Variants in TNFSF11 observed in about 807,000 individuals in gnomAD.
TNFSF11 encodes TNF superfamily member 11.
TNFSF11 carries 12 observed loss-of-function variants against 32.2 expected under a neutral mutation model. That is an observed-to-expected ratio of 0.37 (90% CI 0.24 to 0.60). The LOEUF is 0.60. Ranked by LOEUF, TNFSF11 falls within the 20% of genes least tolerant of loss-of-function variation. The pLI is 0.66. For synonymous variants in TNFSF11, 172 were observed against 152.1 expected (o/e 1.13, Z -0.96); for missense variants, 345 against 398.0 (o/e 0.87, Z 1.13).
chr13:42,585,651 T>C (rs1239378398), intron 2 of TNFSF11, among the ~76,000 whole-genome samples: 1 of 152,356 alleles, frequency 6.6e-6, no homozygotes, highest in East Asian at 1.9e-4. Context: ...TCCCTGCTTC[T>C]GCCAGCCGGG....
At chr13:42,586,632 G>C (rs1467614104) in intron 2 of TNFSF11, among the ~76,000 whole-genome samples, 1 of 152,146 alleles carries the variant, frequency 6.6e-6, no homozygotes, top group Non-Finnish European at 1.5e-5. Context: ...CTCCATATAT[G>C]AGTTAAATTT....
chr13:42,592,148 G>A (rs346589), intron 2 of TNFSF11, among the ~76,000 whole-genome samples: 27,927 of 152,116 alleles, frequency 0.18, 2,710 homozygotes, highest in East Asian at 0.3. Context: ...AACTCTTCAG[G>A]CACTAATTGG....
intron 1 of TNFSF11, among the ~76,000 whole-genome samples, chr13:42,577,161 C>A (rs535181807): frequency 6.6e-6 from 1 of 151,932 alleles, no homozygotes; most frequent in South Asian, 2.1e-4. Flanking sequence ...TTAAAAATGA[C>A]GAATTAGTTT....
At chr13:42,597,514 TC>T (rs150603963) in intron 2 of TNFSF11, among the ~76,000 whole-genome samples, 1,759 of 152,258 alleles carry the variant, frequency 0.012, 31 homozygotes, top group African/African-American at 0.039. Flanking sequence ...GGACAAACTT[TC>T]CCTGTCCGTT....
upstream of TNFSF11, among the ~76,000 whole-genome samples, chr13:42,572,676 G>C (rs1873113146): frequency 6.6e-6 from 1 of 151,972 alleles, no homozygotes; most frequent in Non-Finnish European, 1.5e-5. Flanking sequence ...AATGCTAAAG[G>C]CATTTTTGAA....
intron 4 of TNFSF11, among the ~76,000 whole-genome samples, chr13:42,604,232 C>T (rs1257488481): frequency 1.3e-5 from 2 of 152,158 alleles, no homozygotes; most frequent in African/African-American, 4.8e-5. Context: ...AGATGGGAAA[C>T]ATCTTGAATT....
intron 2 of TNFSF11, among the ~76,000 whole-genome samples, chr13:42,585,998 T>G (rs1873877669): frequency 6.6e-6 from 1 of 152,260 alleles, no homozygotes; most frequent in Admixed American, 6.5e-5. Flanking sequence ...CCCTGGGATG[T>G]GGGAAAGAAG....
At chr13:42,601,777 G>A (rs931105940) in intron 4 of TNFSF11, among the ~76,000 whole-genome samples, 22 of 152,146 alleles carry the variant, frequency 1.4e-4, no homozygotes, top group Admixed American at 5.9e-4. Flanking sequence ...GTGACTACCC[G>A]ATGAACTCTT....
rs146360107 is a variant in TNFSF11 at position 42,581,585 on chromosome 13, G to A, written c.387+292G>A. Among the ~76,000 whole-genome samples the A allele has an allele frequency of 1.7e-3, 264 of 152,274 alleles. 1 individual carries two copies. The highest frequency in any genetic ancestry group is 6.0e-3 in the African/African-American group (249 of 41,552). Reference sequence around the variant, plus strand: ...CACACCTTAAGACTAAGGTGGCTGTGGCCTGTCTGTGAGTCAGTATGCTAG... The same window carrying A: ...CACACCTTAAGACTAAGGTGGCTGTAGCCTGTCTGTGAGTCAGTATGCTAG... On this transcript the variant is annotated intron_variant, in intron 2 of 4. Coordinates refer to ENST00000398795, the MANE Select transcript of TNFSF11 (RefSeq NM_003701.4).
intron 1 of TNFSF11, among the ~76,000 whole-genome samples, chr13:42,563,297 C>A (rs1365755073): frequency 6.6e-6 from 1 of 152,186 alleles, no homozygotes; most frequent in East Asian, 1.9e-4. Context: ...TGGGCCTCCT[C>A]TTTTAATTTT....
At chr13:42,580,166 A>G (rs1873532892) in intron 1 of TNFSF11, among the ~76,000 whole-genome samples, 1 of 152,256 alleles carries the variant, frequency 6.6e-6, no homozygotes, top group South Asian at 2.1e-4. Flanking sequence ...ACAAACAAAG[A>G]GGACAAGTTA....
chr13:42,600,467 A>G (rs1450825162), intron 2 of TNFSF11, among the ~76,000 whole-genome samples: 1 of 152,210 alleles, frequency 6.6e-6, no homozygotes, highest in South Asian at 2.1e-4. Flanking sequence ...AATTATGTTC[A>G]ATTACGCCAT....
In TNFSF11 at chr13:42,606,612, G is replaced by C; in HGVS notation, c.648G>C (p.Leu216=). Residue 216 remains leucine (L), a synonymous_variant, in exon 5 of 5, where the codon CTG becomes CTC. Coordinates refer to ENST00000398795, the MANE Select transcript of TNFSF11 (RefSeq NM_003701.4). ...LIVNQDGFYY[L]YANICFRHHE... is the part of the protein sequence containing the mutation. The stretch of plus-strand genomic sequence containing the variant: ...TTAATCAGGATGGCTTTTATTACCT[G>C]TATGCCAACATTTGCTTTCGACATC... 6.2e-7 allele frequency: 1 copy of C among 1,614,166 alleles called. No individual in the cohort carries two copies.
chr13:42,601,745 T>A (rs1869186305), intron 4 of TNFSF11, among the ~76,000 whole-genome samples: 1 of 152,196 alleles, frequency 6.6e-6, no homozygotes, highest in Admixed American at 6.5e-5. Context: ...TCCCTGGCAC[T>A]CTACTGGAGA....
chr13:42,580,488 C>G (rs1006195092), intron 1 of TNFSF11, among the ~76,000 whole-genome samples: 3 of 152,218 alleles, frequency 2.0e-5, no homozygotes, highest in Non-Finnish European at 4.4e-5. Context: ...CCCAAACACC[C>G]GCTGACAGGT....
intron 2 of TNFSF11, among the ~76,000 whole-genome samples, chr13:42,587,414 A>G (rs745798942): frequency 2.6e-5 from 4 of 152,224 alleles, no homozygotes; most frequent in Non-Finnish European, 5.9e-5. Flanking sequence ...GCAGTCTCTG[A>G]CATTCACTAA....
In TNFSF11 at chr13:42,607,010, A is replaced by G. The variant is rs1039984641; in HGVS notation, c.*92A>G. On this transcript the variant is annotated 3_prime_UTR_variant, in exon 5 of 5. Transcript: ENST00000398795. ...AAGATGTATATAGGTGTGTGAGACTACTAAGAGGCATGGCCCCAACGGTAC... is the reference window on the plus strand; with the variant it reads ...AAGATGTATATAGGTGTGTGAGACTGCTAAGAGGCATGGCCCCAACGGTAC... The G allele has an allele frequency of 4.2e-5, 64 of 1,533,518 alleles. No homozygotes were observed. Among genetic ancestry groups the G allele is most frequent in the Non-Finnish European group, 5.5e-5 (61 of 1,115,750 alleles). The allele number at this position is 1,533,518 out of a possible 1,614,324, so 95.0% of individuals were successfully genotyped here.
rs1050843946 is a variant in TNFSF11, at chr13:42,600,766, C to T, written c.402C>T (p.Ile134=). 5.6e-6 allele frequency: 9 copies of T among 1,613,926 alleles called. No individual in the cohort carries two copies. The highest frequency in any genetic ancestry group is 2.2e-5 in the East Asian group (1 of 44,880). ...QGAVQKELQH[I]VGSQHIRAEK... is the part of the protein sequence containing the mutation. ...TTTTATTTCAGGAATTACAACATAT[C>T]GTTGGATCACAGCACATCAGAGCAG... The change falls in exon 3 of 5, where the codon ATC becomes ATT. Residue 134 remains isoleucine, a synonymous_variant. Coordinates refer to ENST00000398795, the MANE Select transcript of TNFSF11 (RefSeq NM_003701.4).
intron 2 of TNFSF11, among the ~76,000 whole-genome samples, chr13:42,586,712 T>C (rs1470080792): frequency 6.6e-6 from 1 of 152,220 alleles, no homozygotes; most frequent in African/African-American, 2.4e-5. Context: ...TGATAAGTTA[T>C]CTTGTTGTCA....
Sources: allele counts gnomAD v4.1 joint callset (sites outside exome capture counted in the v4.1 genomes callset), GRCh38; gene constraint gnomAD v4.1.1; transcripts MANE v1.5; gene names NCBI Gene and HGNC (gene_info 2026-07-23, HGNC 2026-07-21).